Variants in CYTH2 observed in about 807,000 individuals in gnomAD.
The protein encoded by CYTH2 is cytohesin-2.
In CYTH2, 24 loss-of-function variants were observed where a neutral mutation model predicts 55.4. The ratio of observed to expected loss-of-function variants is 0.43; its 90% CI spans 0.31 to 0.61. The LOEUF (loss-of-function observed/expected upper bound fraction) is 0.61. Ranked by LOEUF, CYTH2 falls within the 20% of genes least tolerant of loss-of-function variation. The probability of loss-of-function intolerance (pLI) is 0.08; values close to 1 mark genes in which losing one functional copy is unlikely to be tolerated. For missense variants in CYTH2, 378 were observed against 533.5 expected (o/e 0.71, Z 2.87); for synonymous variants, 221 against 209.6 (o/e 1.05, Z -0.47).
At chr19:48,473,271 G>A (rs1971841012) in intron 4 of CYTH2, 27 bp from the exon 5 acceptor site, 3 of 1,612,944 alleles carry the variant, frequency 1.9e-6, no homozygotes, top group Non-Finnish European at 2.5e-6. Flanking sequence ...TTTCCAAACT[G>A]TATGTGTCTT....
chr19:48,475,076 A>T, intron 8 of CYTH2, 127 bp downstream of exon 8: 1 of 789,078 alleles, frequency 1.3e-6, no homozygotes, highest in Non-Finnish European at 2.0e-6. Context: ...TCTGAACCTC[A>T]GTTTTCCACA....
chr19:48,475,798 G>T, intron 8 of CYTH2: 1 of 225,164 alleles, frequency 4.4e-6, no homozygotes, highest in South Asian at 4.1e-5. Context: ...TGCTCCCAAT[G>T]CATAGTCAAG....
chr19:48,479,167 G>A lies in CYTH2; in HGVS notation c.1157G>A (p.Arg386Lys). Residue 386 changes from arginine (R) to lysine (K), a missense_variant, in exon 12 of 12, where the codon AGA becomes AAA. By Grantham distance (26) the Arg-to-Lys change is conservative (BLOSUM62 2). Transcript: ENST00000452733. Reference sequence around the variant, plus strand: ...CCCTTCTATGAGATGCTGGCAGCGAGAAAGAAGCGGATTTCAGTCAAGAAG... The same window carrying A: ...CCCTTCTATGAGATGCTGGCAGCGAAAAAGAAGCGGATTTCAGTCAAGAAG... ...VDPFYEMLAA[R>K]KKRISVKKKQ... 2 of 1,614,112 alleles carry A rather than the reference G, an allele frequency of 1.2e-6. No individual in the cohort carries two copies. Among genetic ancestry groups the A allele is most frequent in the Non-Finnish European group, 1.7e-6 (2 of 1,179,988 alleles).
Position 48,479,196 on chromosome 19 carries a change from C to T in CYTH2, c.1186C>T (p.Gln396Ter), listed in dbSNP as rs1409555760. 3 of 1,614,024 alleles carry T rather than the reference C, an allele frequency of 1.9e-6. No individual in the cohort carries two copies. The Middle Eastern group carries it at 5.0e-4, about 266-fold the overall frequency. The change falls in exon 12 of 12, where the codon CAG becomes TAG. Residue 396 changes from glutamine (Q) to a stop codon, truncating the protein, a stop_gained. Transcript: ENST00000452733. LOFTEE classifies it high-confidence loss of function. ...RKKRISVKKK[Q>*]EQP ...GAAGCGGATTTCAGTCAAGAAGAAG[C>T]AGGAGCAGCCCTGACCCCCTGCCCC...
intron 4 of CYTH2, 36 bp downstream of exon 4, chr19:48,472,479 C>CCCCCCCCCCCCCAA: frequency 2.6e-6 from 4 of 1,537,532 alleles, no homozygotes; most frequent in East Asian, 4.7e-5. Context: ...GGGCCCCTCC[C>CCCCCCCCCCCCCAA]TCCCACCCCC....
At chr19:48,477,294 C>T (rs1971933441) in intron 8 of CYTH2, 1 of 152,482 alleles carries the variant, frequency 6.6e-6, no homozygotes, top group Admixed American at 6.5e-5. Flanking sequence ...CACCTCAGAC[C>T]AAGGGCTGGG....
intron 1 of CYTH2, 99 bp downstream of exon 1, chr19:48,469,625 G>C: frequency 7.4e-7 from 1 of 1,344,908 alleles, no homozygotes; most frequent in Non-Finnish European, 9.6e-7. Context: ...GCGCCCAGAA[G>C]CGTTCGGCTC....
chr19:48,473,396 G>A lies in CYTH2; in HGVS notation c.434+18G>A. On this transcript the variant is annotated intron_variant, in intron 5 of 11. Transcript: ENST00000452733. Reference sequence around the variant, plus strand: ...GCCCTCAGGTGAGTGAGGGGGAGGGGTTTGGAACGCCAGGAATGTACCTGT... The same window carrying A: ...GCCCTCAGGTGAGTGAGGGGGAGGGATTTGGAACGCCAGGAATGTACCTGT... 6.2e-7 allele frequency: 1 copy of A among 1,613,192 alleles called. No homozygotes were observed. Among genetic ancestry groups the A allele is most frequent in the Non-Finnish European group, 8.5e-7 (1 of 1,179,172 alleles).
intron 8 of CYTH2, chr19:48,477,738 T>C: frequency 2.8e-6 from 1 of 362,416 alleles, no homozygotes; most frequent in Non-Finnish European, 5.1e-6. Context: ...ACGACCTGTC[T>C]TTGTCTCCCA....
intron 8 of CYTH2, 109 bp downstream of exon 8, chr19:48,475,058 T>C: frequency 1.0e-6 from 1 of 970,582 alleles, no homozygotes; most frequent in East Asian, 2.5e-5. Context: ...GGCAAATGAT[T>C]CGACCTCTCT....
intron 3 of CYTH2, among the ~76,000 whole-genome samples, chr19:48,471,423 A>G (rs932092542): frequency 6.6e-6 from 1 of 152,108 alleles, no homozygotes; most frequent in Non-Finnish European, 1.5e-5. Context: ...AAGTGTTGGG[A>G]TTACAGGCAT....
chr19:48,476,157 G>T (rs769149284), intron 8 of CYTH2: 2 of 367,904 alleles, frequency 5.4e-6, no homozygotes, highest in African/African-American at 2.1e-5. Flanking sequence ...CACAAGTCAG[G>T]CAGGGCACAG....
At chr19:48,471,321 T>G (rs776275233) in intron 3 of CYTH2, among the ~76,000 whole-genome samples, 2 of 152,018 alleles carry the variant, frequency 1.3e-5, no homozygotes, top group African/African-American at 2.4e-5. Context: ...CCAGCTAATT[T>G]TTGTATTTTT....
At chr19:48,473,556 G>C in intron 5 of CYTH2, 178 bp downstream of exon 5, 1 of 641,592 alleles carries the variant, frequency 1.6e-6, no homozygotes, top group East Asian at 2.7e-5. Flanking sequence ...TTCAGGTATG[G>C]CTATATCCAG....
intron 1 of CYTH2, 125 bp downstream of exon 1, chr19:48,469,651 G>A: frequency 7.4e-7 from 1 of 1,351,828 alleles, no homozygotes; most frequent in East Asian, 2.8e-5. Context: ...TAGACTTGTC[G>A]CGCCGCTTTT....
At chr19:48,478,810 G>T (rs561171298) in intron 11 of CYTH2, among the ~76,000 whole-genome samples, 40 of 140,288 alleles carry the variant, frequency 2.9e-4, no homozygotes, top group African/African-American at 1.1e-3. Flanking sequence ...AGGAGGGGCC[G>T]GGGGCCTGGA....
chr19:48,479,005 A>G, intron 11 of CYTH2, 118 bp from the exon 12 acceptor site: 1 of 985,192 alleles, frequency 1.0e-6, no homozygotes. Context: ...GGGGGCCTGG[A>G]CTCCTGGGTC....
chr19:48,470,349 C>T lies in CYTH2; in HGVS notation c.20-4C>T, dbSNP rs199690999. The T allele has an allele frequency of 1.2e-6, 2 of 1,606,410 alleles. No individual in the cohort carries two copies. The highest frequency in any genetic ancestry group is 2.2e-5 in the East Asian group (1 of 44,800). ...GACTTTTAAACCTTGACCCCGATCC[C>T]TAGAACCCCCAGACCTGACTCCGGA... On this transcript the variant is annotated splice_polypyrimidine_tract_variant and splice_region_variant and intron_variant, in intron 1 of 11. Transcript: ENST00000452733.
rs1435236442 is a variant in CYTH2 at position 48,479,142 on chromosome 19, C to A, written c.1132C>A (p.Pro378Thr). 1 of 1,614,072 alleles carries A rather than the reference C, an allele frequency of 6.2e-7. No homozygotes were observed. The highest frequency in any genetic ancestry group is 8.5e-7 in the Non-Finnish European group (1 of 1,179,982). ...CTGCAGGGCGGCTGTGAGTGTGGAC[C>A]CCTTCTATGAGATGCTGGCAGCGAG... ...KSIQAAVSVD[P>T]FYEMLAARKK... The change falls in exon 12 of 12, where the codon CCC (proline) becomes ACC (threonine). Residue 378 changes from proline (P) to threonine (T), a missense_variant. By Grantham distance (38) the Pro-to-Thr change is conservative (BLOSUM62 -1). Coordinates refer to ENST00000452733, the MANE Select transcript of CYTH2 (RefSeq NM_004228.7).
Sources: allele counts gnomAD v4.1 joint callset (sites outside exome capture counted in the v4.1 genomes callset), GRCh38; gene constraint gnomAD v4.1.1; transcripts MANE v1.5; gene names NCBI Gene and HGNC (gene_info 2026-07-23, HGNC 2026-07-21).